The following ZIC5 variants were observed in gnomAD, a reference collection of about 807,000 sequenced individuals.
ZIC5 encodes the protein zinc finger protein ZIC 5.
A neutral mutation model predicts 28.5 loss-of-function variants in ZIC5; 20 were observed. The observed-to-expected ratio is 0.70, with a 90% confidence interval of 0.49 to 1.02. ZIC5 has a LOEUF of 1.02. ZIC5 is among the 50% of genes least tolerant of loss of function. The pLI, the probability that ZIC5 is intolerant of heterozygous loss-of-function variation, is 0.00. For synonymous variants in ZIC5, 488 were observed against 410.4 expected, an observed-to-expected ratio of 1.19 and a Z score of -2.29; for missense variants, 951 against 899.7, an observed-to-expected ratio of 1.06 and a Z score of -0.73.
chr13:99,965,898 G>A (rs747550483), intron 1 of ZIC5, 79 bp from the exon 2 acceptor site: 9 of 1,463,030 alleles, frequency 6.2e-6, no homozygotes, highest in African/African-American at 2.8e-5. Context: ...CAGAACCAAG[G>A]TTGTGTTTTT....
In ZIC5 at chr13:99,965,391, G is replaced by A. The variant is rs577823767; in HGVS notation, c.1906C>T (p.Arg636Trp). ...EEIYGNPEVV[R>W]TIH is the part of the protein sequence containing the mutation. ...AATAATAAATTCTAATGTATCGTCC[G>A]CACAACTTCAGGGTTCCCGTAAATT... The change falls in exon 2 of 2, where the codon CGG (arginine) becomes TGG (tryptophan). Residue 636 changes from arginine (R) to tryptophan (W), a missense_variant. Arg to Trp is a moderately radical substitution (Grantham distance 101). Coordinates refer to ENST00000267294, the MANE Select transcript of ZIC5 (RefSeq NM_033132.5). The A allele has an allele frequency of 1.4e-5, 22 of 1,613,502 alleles. No homozygotes were observed. The highest frequency in any genetic ancestry group is 1.7e-5 in the Admixed American group (1 of 59,894).
rs762508133 is a variant in ZIC5, at chr13:99,971,615, A to G, written c.-12T>C. On this transcript the variant is annotated 5_prime_UTR_variant, in exon 1 of 2. Transcript: ENST00000267294. ...AAAGGGGGCTCCATCAGAACTACAC[A>G]ATCAGGCCCATAGACCCTCACTGGG... is the stretch of plus-strand genomic sequence containing the variant. 6.4e-7 allele frequency: 1 copy of G among 1,559,528 alleles called. No homozygotes were observed. Among genetic ancestry groups the G allele is most frequent in the Non-Finnish European group, 8.7e-7 (1 of 1,150,550 alleles).
At chr13:99,970,066 AGCGGCGGCGGCGCAGGAGCTGGTG>A (rs2053135798) in intron 1 of ZIC5, 37 bp downstream of exon 1, 8 of 1,594,472 alleles carry the variant, frequency 5.0e-6, no homozygotes, top group South Asian at 1.1e-5. Context: ...CAGCGGCGGA[AGCGGCGGCGGCGCAGGAGCTGGTG>A]GCGGCGGCGG....
At chr13:99,967,018 G>GA (rs1189877039) in intron 1 of ZIC5, among the ~76,000 whole-genome samples, 4 of 152,050 alleles carry the variant, frequency 2.6e-5, no homozygotes, top group Non-Finnish European at 5.9e-5. Context: ...AAATAAAGTT[G>GA]AATTTCTCAT....
intron 1 of ZIC5, 94 bp from the exon 2 acceptor site, chr13:99,965,913 T>C (rs781559347): frequency 3.7e-6 from 5 of 1,345,050 alleles, no homozygotes; most frequent in Non-Finnish European, 5.1e-6. Context: ...GTTTTTCCTA[T>C]TCTCCCAGAG....
rs937510913 is a variant in ZIC5, at chr13:99,970,670, G to C, written c.934C>G (p.Leu312Val). The change falls in exon 1 of 2, where the codon CTG becomes GTG. Residue 312 changes from leucine to valine, a missense_variant. Physicochemically the swap from Leu to Val is conservative, Grantham distance 32 (BLOSUM62 1). This residue lies in a region of ZIC5 where 784 missense variants were observed against 660.1 expected (regional missense o/e 1.19). Coordinates refer to ENST00000267294, the MANE Select transcript of ZIC5 (RefSeq NM_033132.5). ...GYGAVNLNLN[L>V]AAAAAAAAAG... ...GCTGCTGCGGCCGCCGCAGCCGCCAGGTTCAGGTTTAAGTTCACGGCTCCG... is the reference window on the plus strand; with the variant it reads ...GCTGCTGCGGCCGCCGCAGCCGCCACGTTCAGGTTTAAGTTCACGGCTCCG... 2 of 1,179,180 alleles carry C rather than the reference G, an allele frequency of 1.7e-6. No homozygotes were observed. Among genetic ancestry groups the C allele is most frequent in the East Asian group, 6.4e-5 (1 of 15,634 alleles). The allele number at this position is 1,179,180 out of a possible 1,614,324, so 73.0% of individuals were successfully genotyped here. A position where few individuals can be genotyped will look rare whatever the true frequency, so the allele number is the denominator to read the frequency against.
At chr13:99,969,708 C>T (rs951998115) in intron 1 of ZIC5, among the ~76,000 whole-genome samples, 1 of 147,726 alleles carries the variant, frequency 6.8e-6, no homozygotes, top group African/African-American at 2.5e-5. Context: ...CGGGGCGGCC[C>T]GGCCTCTCTT....
At position 99,963,718 on chromosome 13, in the gene ZIC5, T is replaced by C. The variant is rs1284731416; in HGVS notation, c.*1659A>G. 6.6e-6 allele frequency: 1 copy of C among 151,060 alleles called. No homozygotes were observed. Among genetic ancestry groups the C allele is most frequent in the Non-Finnish European group, 1.5e-5 (1 of 67,756 alleles). The allele number at this position is 151,060 out of a possible 1,614,324, so 9.4% of individuals were successfully genotyped here. The stretch of plus-strand genomic sequence containing the variant: ...TAAATGACAATCTTTCACCAAAATG[T>C]ATAATATAATTCTTTGGTGTGCTTT... On this transcript the variant is annotated 3_prime_UTR_variant, in exon 2 of 2. Transcript: ENST00000267294.
intron 1 of ZIC5, 44 bp from the exon 2 acceptor site, chr13:99,965,863 C>T (rs1365485303): frequency 6.4e-7 from 1 of 1,558,896 alleles, no homozygotes. Context: ...TTTCCAAGAC[C>T]CCTCTCTTGA....
In ZIC5 at chr13:99,971,309, G is replaced by T. The variant is rs1022722709; in HGVS notation, c.295C>A (p.Arg99Ser). Residue 99 changes from arginine to serine, a missense_variant, in exon 1 of 2, where the codon CGT becomes AGT. Around this residue, in one of 3 missense-constraint regions of ZIC5, gnomAD observed 784 missense variants for 660.1 expected, o/e 1.19. Coordinates refer to ENST00000267294, the MANE Select transcript of ZIC5 (RefSeq NM_033132.5). ...AHPEAPAAAA[R>S]AAALVAHPGA... ...GGGTGCGCGACCAAGGCTGCAGCAC[G>T]GGCGGCGGCTGCCGGAGCCTCCGGG... is the stretch of plus-strand genomic sequence containing the variant. The T allele has an allele frequency of 3.7e-6, 5 of 1,369,724 alleles. No homozygotes were observed. Among genetic ancestry groups the T allele is most frequent in the Non-Finnish European group, 4.7e-6 (5 of 1,072,100 alleles). The allele number at this position is 1,369,724 out of a possible 1,614,324, so 84.8% of individuals were successfully genotyped here. A position where few individuals can be genotyped will look rare whatever the true frequency, so the allele number is the denominator to read the frequency against.
chr13:99,966,071 T>A (rs1016895599), intron 1 of ZIC5, among the ~76,000 whole-genome samples: 8 of 151,956 alleles, frequency 5.3e-5, no homozygotes, highest in Non-Finnish European at 8.8e-5. Flanking sequence ...GGGATCAGGG[T>A]GAGATCCCTA....
Position 99,964,829 on chromosome 13 carries a change from G to A in ZIC5, c.*548C>T, listed in dbSNP as rs912674808. ...AACAGGATCTGTTGGCAATGCAGCA[G>A]GTGTGTGGTTTACAATCAAGAGGCC... On this transcript the variant is annotated 3_prime_UTR_variant, in exon 2 of 2. Coordinates refer to ENST00000267294, the MANE Select transcript of ZIC5 (RefSeq NM_033132.5). The A allele has an allele frequency of 6.6e-6, 1 of 152,084 alleles. No individual in the cohort carries two copies. Among genetic ancestry groups the A allele is most frequent in the Admixed American group, 6.6e-5 (1 of 15,228 alleles). 9.4% of individuals were successfully genotyped at this position (152,084 alleles called of 1,614,324 possible).
intron 1 of ZIC5, among the ~76,000 whole-genome samples, chr13:99,969,425 G>A (rs1186076504): frequency 2.6e-5 from 4 of 152,166 alleles, no homozygotes; most frequent in Non-Finnish European, 5.9e-5. Context: ...CACAGGTGTC[G>A]CGGGAATGGG....
In ZIC5 at chr13:99,965,714, T is replaced by C. The variant is rs367629956; in HGVS notation, c.1583A>G (p.Tyr528Cys). 8 of 1,614,186 alleles carry C rather than the reference T, an allele frequency of 5.0e-6. No homozygotes were observed. The highest frequency in any genetic ancestry group is 6.8e-6 in the Non-Finnish European group (8 of 1,180,048). The stretch of plus-strand genomic sequence containing the variant: ...TTTGTCACAGCCTCGAATCTTGCAG[T>C]AGTAGGGCTTGTCACTGGTGTGGAC... ...SHVHTSDKPY[Y>C]CKIRGCDKSY... The change falls in exon 2 of 2, where the codon TAC becomes TGC. Residue 528 changes from tyrosine (Y) to cysteine (C), a missense_variant. Around this residue, in one of 3 missense-constraint regions of ZIC5, gnomAD observed 59 missense variants for 121.2 expected, o/e 0.49. Coordinates refer to ENST00000267294, the MANE Select transcript of ZIC5 (RefSeq NM_033132.5).
intron 1 of ZIC5, among the ~76,000 whole-genome samples, chr13:99,967,744 G>C (rs1168512182): frequency 6.6e-6 from 1 of 152,200 alleles, no homozygotes; most frequent in Admixed American, 6.5e-5. Context: ...GGAAGGAAAG[G>C]TAGAACATTA....
At position 99,971,036 on chromosome 13, in the gene ZIC5, C is replaced by A. The variant is rs762969935; in HGVS notation, c.568G>T (p.Gly190Trp). The change falls in exon 1 of 2, where the codon GGG (glycine) becomes TGG (tryptophan). Residue 190 changes from glycine (G) to tryptophan (W), a missense_variant. Physicochemically the swap from Gly to Trp is radical, Grantham distance 184. Coordinates refer to ENST00000267294, the MANE Select transcript of ZIC5 (RefSeq NM_033132.5). Reference protein sequence around the residue: ...SATAPAAAMHGAPLGGEQRSG... With the variant: ...SATAPAAAMHWAPLGGEQRSG... Reference sequence around the variant, plus strand: ...CGCTGCTCCCCTCCGAGCGGGGCCCCGTGCATGGCCGCCGCGGGGGCCGTG... The same window carrying A: ...CGCTGCTCCCCTCCGAGCGGGGCCCAGTGCATGGCCGCCGCGGGGGCCGTG... 1.4e-5 allele frequency: 20 copies of A among 1,419,494 alleles called. 1 individual carries two copies. The highest frequency in any genetic ancestry group is 3.0e-5 in the South Asian group (2 of 66,500). 87.9% of individuals were successfully genotyped at this position (1,419,494 alleles called of 1,614,324 possible). A position where few individuals can be genotyped will look rare whatever the true frequency, so the allele number is the denominator to read the frequency against.
chr13:99,971,359 G>T lies in ZIC5; in HGVS notation c.245C>A (p.Pro82His), dbSNP rs1317435252. Residue 82 changes from proline (P) to histidine (H), a missense_variant, in exon 1 of 2, where the codon CCT becomes CAT. Coordinates refer to ENST00000267294, the MANE Select transcript of ZIC5 (RefSeq NM_033132.5). ...MAQASTLGLS[P>H]PSQAFPAHPE... ...GTGTGCCGGGAACGCCTGGGAGGGA[G>T]GGCTGAGGCCCAGCGTGCTCGCCTG... 3.5e-6 allele frequency: 5 copies of T among 1,445,424 alleles called. No individual in the cohort carries two copies. The highest frequency in any genetic ancestry group is 4.5e-6 in the Non-Finnish European group (5 of 1,111,132). The allele number at this position is 1,445,424 out of a possible 1,614,324, so 89.5% of individuals were successfully genotyped here.
chr13:99,965,605 G>A lies in ZIC5; in HGVS notation c.1692C>T (p.Tyr564=). ...SPPPSPGPLG[Y]SSVGTPVGAP... The stretch of plus-strand genomic sequence containing the variant: ...CGCCCACTGGAGTCCCCACTGATGA[G>A]TAACCAAGGGGTCCTGGAGAAGGTG... The change falls in exon 2 of 2, where the codon TAC becomes TAT. Residue 564 remains tyrosine, a synonymous_variant. Transcript: ENST00000267294. 1.2e-6 allele frequency: 2 copies of A among 1,614,112 alleles called. No individual in the cohort carries two copies. Among genetic ancestry groups the A allele is most frequent in the Non-Finnish European group, 1.7e-6 (2 of 1,180,012 alleles).
chr13:99,970,066 AGCG>A, intron 1 of ZIC5, 58 bp downstream of exon 1: 1 of 1,594,512 alleles, frequency 6.3e-7, no homozygotes. Flanking sequence ...CAGCGGCGGA[AGCG>A]GCGGCGGCGC....
Sources: allele counts gnomAD v4.1 joint callset (sites outside exome capture counted in the v4.1 genomes callset), GRCh38; gene constraint gnomAD v4.1.1; regional missense constraint gnomAD v4.1.1; transcripts MANE v1.5; gene names NCBI Gene and HGNC (gene_info 2026-07-23, HGNC 2026-07-21).